The following CCDC91 variants were observed in gnomAD, a reference collection of about 807,000 sequenced individuals.
CCDC91 encodes the protein coiled-coil domain containing 91.
CCDC91 carries 48 observed loss-of-function variants against 63.2 expected under a neutral mutation model. That is an observed-to-expected ratio of 0.76 (90% confidence interval 0.60 to 0.97). The LOEUF is 0.97. Ranked by LOEUF, CCDC91 falls within the 50% of genes least tolerant of loss-of-function variation. The probability of loss-of-function intolerance (pLI) is 0.00; values close to 1 mark genes in which losing one functional copy is unlikely to be tolerated. For synonymous variants in CCDC91, 167 were observed against 165.8 expected, an observed-to-expected ratio of 1.01 and a Z score of -0.06; for missense variants, 500 against 494.6, an observed-to-expected ratio of 1.01 and a Z score of -0.10.
chr12:28,415,227 ATT>A (rs35304033), intron 8 of CCDC91, among the ~76,000 whole-genome samples: 30 of 145,786 alleles, frequency 2.1e-4, no homozygotes, highest in Admixed American at 2.0e-4. Flanking sequence ...TGTAAAGCGG[ATT>A]TTTTTTTTTT....
intron 12 of CCDC91, among the ~76,000 whole-genome samples, chr12:28,539,233 G>C (rs1420284589): frequency 6.6e-6 from 1 of 152,148 alleles, no homozygotes; most frequent in Non-Finnish European, 1.5e-5. Flanking sequence ...GGTTTTTATG[G>C]TTTTAGGTCT....
rs575096714 is a variant in CCDC91, at chr12:28,315,730, A to G, written c.576+7981A>G. 2.6e-5 allele frequency among the ~76,000 whole-genome samples: 4 copies of G among 152,030 alleles called. No individual in the cohort carries two copies. The East Asian group carries it at 7.8e-4, about 30-fold the overall frequency. ...CAAAAACTGCATATAGTAAATAAAG[A>G]TATATAGTGAAAAGTCTACACCTCA... On this transcript the variant is annotated intron_variant, in intron 6 of 12. Transcript: ENST00000536442.
intron 8 of CCDC91, among the ~76,000 whole-genome samples, chr12:28,441,057 CAAAAAA>C (rs60278449): frequency 3.8e-5 from 2 of 52,698 alleles, no homozygotes; most frequent in African/African-American, 1.6e-4. Flanking sequence ...GACTCCATCT[CAAAAAA>C]AAAAAAAAAA....
At position 28,191,329 on chromosome 12, in the gene CCDC91, T is replaced by A. The variant is rs1941223029; in HGVS notation, c.-15+688T>A. 4 of 152,272 alleles carry A rather than the reference T, an allele frequency of 2.6e-5. No individual in the cohort carries two copies. The South Asian group carries it at 8.3e-4, about 32-fold the overall frequency. The allele number at this position is 152,272 out of a possible 1,614,324, so 9.4% of individuals were successfully genotyped here. On this transcript the variant is annotated intron_variant, in intron 1 of 12. Transcript: ENST00000536442. ...CTCTATTAAAAGCTGCGCTGGTGTT[T>A]TTTTGGTAGGATGATGTTGCTGCTG...
chr12:28,549,157 C>T lies in CCDC91; in HGVS notation c.1310C>T (p.Pro437Leu). 6.2e-7 allele frequency: 1 copy of T among 1,604,346 alleles called. No individual in the cohort carries two copies. Among genetic ancestry groups the T allele is most frequent in the Admixed American group, 1.7e-5 (1 of 59,848 alleles). The change falls in exon 13 of 13, where the codon CCA (proline) becomes CTA (leucine). Residue 437 changes from proline (P) to leucine (L), a missense_variant. By Grantham distance (98) the Pro-to-Leu change is moderately conservative (BLOSUM62 -3). Transcript: ENST00000536442. The part of the protein sequence containing the change: ...KQLSALIATE[P>L]VDIE ...TTAAGTGCTTTAATAGCTACGGAAC[C>T]AGTTGACATTGAATAAAAAGAACAT...
chr12:28,202,500 C>A (rs1942535711), intron 1 of CCDC91, among the ~76,000 whole-genome samples: 1 of 152,158 alleles, frequency 6.6e-6, no homozygotes, highest in African/African-American at 2.4e-5. Flanking sequence ...TTATGTGTGG[C>A]CACCAAAGTC....
In CCDC91 at chr12:28,442,325, G is replaced by A. The variant is rs150378318; in HGVS notation, c.763-7836G>A. On this transcript the variant is annotated intron_variant, in intron 8 of 12. Transcript: ENST00000536442. ...GACATATTTTACTTAGAACCACATT[G>A]TTATGTGTATGAAATGATGAGGAGT... Among the ~76,000 whole-genome samples, 531 of 152,192 alleles carry A rather than the reference G, an allele frequency of 3.5e-3. 7 individuals are homozygous for A. The highest frequency in any genetic ancestry group is 0.012 in the African/African-American group (514 of 41,544).
chr12:28,380,894 G>T (rs1945260029), intron 7 of CCDC91, among the ~76,000 whole-genome samples: 1 of 152,066 alleles, frequency 6.6e-6, no homozygotes. Flanking sequence ...TGCAGGAAAA[G>T]TACTTGTATG....
At chr12:28,304,389 A>G (rs866772416) in intron 3 of CCDC91, among the ~76,000 whole-genome samples, 295 of 39,622 alleles carry the variant, frequency 7.4e-3, no homozygotes, top group Middle Eastern at 0.056. Context: ...AAAAAAAAAA[A>G]AAAAAAAAAA....
At chr12:28,234,877 A>C (rs1944837365) in intron 1 of CCDC91, among the ~76,000 whole-genome samples, 1 of 151,624 alleles carries the variant, frequency 6.6e-6, no homozygotes, top group Middle Eastern at 3.4e-3. Flanking sequence ...TTTGTTTGTT[A>C]TTTATTGCTG....
At chr12:28,516,606 AAAAG>A (rs1241473460) in intron 12 of CCDC91, among the ~76,000 whole-genome samples, 2 of 151,916 alleles carry the variant, frequency 1.3e-5, no homozygotes, top group East Asian at 1.9e-4. Flanking sequence ...CCTGTCTTAA[AAAAG>A]AAAGAAAGAA....
rs116206891 is a variant in CCDC91, at chr12:28,297,416, C to T, written c.110-8233C>T. ...AATGAAAAATGATATGTCCAAGTGA[C>T]TTGCTAGTTACCCTTACAAAGGTAA... On this transcript the variant is annotated intron_variant, in intron 3 of 12. Coordinates refer to ENST00000536442, the MANE Select transcript of CCDC91 (RefSeq NM_018318.5). 4.6e-3 allele frequency among the ~76,000 whole-genome samples: 697 copies of T among 151,944 alleles called. 8 individuals are homozygous for T. The highest frequency in any genetic ancestry group is 0.014 in the African/African-American group (585 of 41,522).
chr12:28,319,832 A>G (rs975779207), intron 6 of CCDC91, among the ~76,000 whole-genome samples: 12 of 151,860 alleles, frequency 7.9e-5, no homozygotes, highest in African/African-American at 1.7e-4. Flanking sequence ...GAAAAAGTCT[A>G]TATATGTTCA....
chr12:28,313,560 C>G (rs951751725), intron 6 of CCDC91, among the ~76,000 whole-genome samples: 4 of 151,866 alleles, frequency 2.6e-5, no homozygotes, highest in Non-Finnish European at 5.9e-5. Flanking sequence ...GTTTGTAAAA[C>G]CTTTAAACAA....
chr12:28,402,587 C>A (rs1352952646), intron 8 of CCDC91, among the ~76,000 whole-genome samples: 244 of 99,110 alleles, frequency 2.5e-3, no homozygotes, highest in Admixed American at 3.1e-3. Context: ...ATGTCATCTG[C>A]AAAAAAAAAA....
intron 3 of CCDC91, among the ~76,000 whole-genome samples, chr12:28,259,914 G>A (rs1321963767): frequency 6.6e-6 from 1 of 151,822 alleles, no homozygotes; most frequent in Non-Finnish European, 1.5e-5. Flanking sequence ...GATGTTTCTT[G>A]GAAGACCTCA....
At chr12:28,211,727 T>A (rs1441599717) in intron 1 of CCDC91, among the ~76,000 whole-genome samples, 1 of 152,182 alleles carries the variant, frequency 6.6e-6, no homozygotes, top group Non-Finnish European at 1.5e-5. Flanking sequence ...AATGTTGGCT[T>A]TACTCTCAGG....
At chr12:28,301,670 C>T (rs1362670622) in intron 3 of CCDC91, among the ~76,000 whole-genome samples, 1 of 151,160 alleles carries the variant, frequency 6.6e-6, no homozygotes, top group East Asian at 1.9e-4. Context: ...GGTAGAAATC[C>T]TCTTGAAATA....
chr12:28,289,685 C>CTTTTTTTTT (rs75555723), intron 3 of CCDC91, among the ~76,000 whole-genome samples: 31 of 98,532 alleles, frequency 3.1e-4, no homozygotes, highest in African/African-American at 1.3e-3. Context: ...CTTTTCTTTT[C>CTTTTTTTTT]TTTTTTTTTT....
Sources: gnomAD v4.1 joint callset for allele counts (sites outside exome capture counted in the v4.1 genomes callset) on GRCh38, gnomAD v4.1.1 for gene constraint, MANE v1.5 for transcripts, NCBI Gene and HGNC (gene_info 2026-07-23, HGNC 2026-07-21) for gene names.